Variants in TMC2 observed in about 807,000 individuals in gnomAD.
TMC2 encodes the protein transmembrane channel like 2.
Under a neutral mutation model 105.9 loss-of-function variants are expected in TMC2, and 102 were observed. The observed-to-expected ratio is 0.96, with a 90% CI of 0.82 to 1.14. The LOEUF is 1.14. TMC2 is among the 50% of genes most tolerant of loss of function. TMC2 has a pLI of 0.00. For synonymous variants in TMC2, 402 were observed against 422.8 expected (o/e 0.95, Z 0.60); for missense variants, 1,093 against 1,134.3 (o/e 0.96, Z 0.52).
chr20:2,627,511 A>G (rs11087524), intron 17 of TMC2, among the ~76,000 whole-genome samples: 26 of 152,296 alleles, frequency 1.7e-4, no homozygotes, highest in Admixed American at 1.6e-3. Context: ...ATTAACTCTG[A>G]CCTGCATCTT....
At chr20:2,574,062 G>A (rs550047291) in intron 5 of TMC2, among the ~76,000 whole-genome samples, 1 of 152,242 alleles carries the variant, frequency 6.6e-6, no homozygotes, top group East Asian at 1.9e-4. Flanking sequence ...TTCACACTAA[G>A]CTGATGGGAG....
chr20:2,610,618 CCACCCCA>C lies in TMC2; in HGVS notation c.1593+22_1593+28del, dbSNP rs1568523645. The C allele has an allele frequency of 6.8e-7, 1 of 1,478,052 alleles. No individual in the cohort carries two copies. Among genetic ancestry groups the C allele is most frequent in the Admixed American group, 2.1e-5 (1 of 48,616 alleles). The allele number at this position is 1,478,052 out of a possible 1,614,324, so 91.6% of individuals were successfully genotyped here. On this transcript the variant is annotated intron_variant, in intron 12 of 19. Transcript: ENST00000358864. ...CTCAAGGTAAAAACCACAACACCCC[CCACCCCA>C]CTGCAATTCCTGGTGCCCATAGTAT...
At chr20:2,547,808 C>G (rs932986969) in intron 2 of TMC2, among the ~76,000 whole-genome samples, 4 of 152,116 alleles carry the variant, frequency 2.6e-5, no homozygotes, top group Admixed American at 2.6e-4. Flanking sequence ...CACTAAGAAC[C>G]TTAACTCTTT....
Position 2,607,254 on chromosome 20 carries a change from T to C in TMC2, c.1414-3165T>C, listed in dbSNP as rs192713762. Among the ~76,000 whole-genome samples, 6 of 152,286 alleles carry C rather than the reference T, an allele frequency of 3.9e-5. No homozygotes were observed. In the East Asian group the frequency reaches 5.8e-4, roughly 15 times the overall value. Reference sequence around the variant, plus strand: ...TCTCTCTTCCACTGTTTTTATGAAGTCTTCAAAATATATGGTGGCTTGCTG... The same window carrying C: ...TCTCTCTTCCACTGTTTTTATGAAGCCTTCAAAATATATGGTGGCTTGCTG... On this transcript the variant is annotated intron_variant, in intron 11 of 19. Coordinates refer to ENST00000358864, the MANE Select transcript of TMC2 (RefSeq NM_080751.3).
At chr20:2,628,678 C>T (rs1306388804) in intron 17 of TMC2, among the ~76,000 whole-genome samples, 1 of 152,210 alleles carries the variant, frequency 6.6e-6, no homozygotes, top group Non-Finnish European at 1.5e-5. Flanking sequence ...GAAGAAGGTG[C>T]CTTGCTTCCC....
chr20:2,613,775 T>G (rs1480516304), intron 14 of TMC2: 2 of 266,474 alleles, frequency 7.5e-6, no homozygotes, highest in Non-Finnish European at 1.5e-5. Flanking sequence ...TGACTTGTAT[T>G]CCCTTATAGC....
At chr20:2,538,711 C>T (rs1321926298) in intron 2 of TMC2, among the ~76,000 whole-genome samples, 1 of 152,182 alleles carries the variant, frequency 6.6e-6, no homozygotes, top group Non-Finnish European at 1.5e-5. Context: ...GTTGCCGCTG[C>T]CGTTTTCCCT....
intron 16 of TMC2, among the ~76,000 whole-genome samples, chr20:2,623,232 C>A (rs962459033): frequency 3.3e-5 from 5 of 151,852 alleles, no homozygotes; most frequent in Non-Finnish European, 5.9e-5. Flanking sequence ...GATATGAATA[C>A]AAGCAGAAAG....
chr20:2,622,036 T>A (rs1428951302), intron 16 of TMC2, among the ~76,000 whole-genome samples: 1 of 151,750 alleles, frequency 6.6e-6, no homozygotes, highest in African/African-American at 2.4e-5. Flanking sequence ...GAAATAAAAA[T>A]AATAATAATA....
intron 16 of TMC2, among the ~76,000 whole-genome samples, chr20:2,621,228 G>A (rs1442106891): frequency 6.6e-6 from 1 of 152,106 alleles, no homozygotes; most frequent in East Asian, 1.9e-4. Flanking sequence ...CAGGTGTGGT[G>A]GTGCGTGCCT....
intron 17 of TMC2, among the ~76,000 whole-genome samples, chr20:2,635,214 A>G (rs2086633045): frequency 6.6e-6 from 1 of 152,178 alleles, no homozygotes; most frequent in African/African-American, 2.4e-5. Flanking sequence ...AGGACACCCG[A>G]TCACCTAGTG....
intron 7 of TMC2, among the ~76,000 whole-genome samples, chr20:2,588,990 C>G (rs1295255172): frequency 1.3e-5 from 2 of 152,066 alleles, no homozygotes; most frequent in Non-Finnish European, 2.9e-5. Context: ...TCCCTTAATT[C>G]CTTAAGCATA....
At chr20:2,613,587 C>T (rs1303682363) in intron 14 of TMC2, 6 of 428,902 alleles carry the variant, frequency 1.4e-5, no homozygotes, top group Non-Finnish European at 2.7e-5. Context: ...GAAAGTGGAC[C>T]ACACACTCCA....
chr20:2,638,922 G>A (rs1408477403), intron 19 of TMC2, among the ~76,000 whole-genome samples: 1 of 152,084 alleles, frequency 6.6e-6, no homozygotes, highest in Admixed American at 6.6e-5. Flanking sequence ...TTGAGACAGA[G>A]TCTCACTCTG....
chr20:2,638,311 T>C (rs1482219634), intron 19 of TMC2, among the ~76,000 whole-genome samples: 1 of 64,846 alleles, frequency 1.5e-5, no homozygotes, highest in Non-Finnish European at 3.4e-5. Flanking sequence ...GAGCTGAGAT[T>C]GTGCCACTGC....
chr20:2,567,409 T>C (rs1487886894), intron 4 of TMC2, among the ~76,000 whole-genome samples: 1 of 152,180 alleles, frequency 6.6e-6, no homozygotes, highest in Non-Finnish European at 1.5e-5. Flanking sequence ...TAGAGTCTTA[T>C]AATATCCAAA....
intron 5 of TMC2, among the ~76,000 whole-genome samples, chr20:2,572,657 T>G (rs926895362): frequency 6.6e-6 from 1 of 152,142 alleles, no homozygotes; most frequent in Admixed American, 6.6e-5. Context: ...CCCAGACGGA[T>G]GGGGGCAGCT....
chr20:2,635,454 CCTCA>C (rs1258636018), intron 17 of TMC2, among the ~76,000 whole-genome samples: 7 of 152,328 alleles, frequency 4.6e-5, no homozygotes, highest in African/African-American at 1.7e-4. Flanking sequence ...AATTATTTAA[CCTCA>C]CTGAGTCCCA....
At chr20:2,545,793 T>C (rs972789057) in intron 2 of TMC2, among the ~76,000 whole-genome samples, 1 of 87,188 alleles carries the variant, frequency 1.1e-5, no homozygotes, top group East Asian at 3.1e-4. Flanking sequence ...AAGACGAAGA[T>C]GAAGAAGGAA....
Sources: allele counts gnomAD v4.1 joint callset (sites outside exome capture counted in the v4.1 genomes callset), GRCh38; gene constraint gnomAD v4.1.1; transcripts MANE v1.5; gene names NCBI Gene and HGNC (gene_info 2026-07-23, HGNC 2026-07-21).